Variants in KIRREL3 observed in about 807,000 individuals in gnomAD.
KIRREL3 encodes the protein kin of IRRE-like protein 3.
A neutral mutation model predicts 89.7 loss-of-function variants in KIRREL3; 36 were observed. That is an observed-to-expected ratio of 0.40 (90% CI 0.31 to 0.53). The LOEUF (loss-of-function observed/expected upper bound fraction) is 0.53. Ranked by LOEUF, KIRREL3 falls within the 20% of genes least tolerant of loss-of-function variation. KIRREL3 has a pLI of 0.49. For missense variants in KIRREL3, 864 were observed against 1,056.6 expected, an observed-to-expected ratio of 0.82 and a Z score of 2.53; for synonymous variants, 445 against 441.4, an observed-to-expected ratio of 1.01 and a Z score of -0.10.
Position 126,438,379 on chromosome 11 carries a change from G to A in KIRREL3, c.1354-1370C>T, listed in dbSNP as rs139285184. On this transcript the variant is annotated intron_variant, in intron 11 of 16. Transcript: ENST00000525144. ...ATATCCTGGTTCGGGGCTGATGAGA[G>A]GGACTGAGTTTCTCAAGCTTGCTGC... 2.0e-4 allele frequency among the ~76,000 whole-genome samples: 31 copies of A among 152,370 alleles called. No individual in the cohort carries two copies. The East Asian group carries it at 5.6e-3, about 27-fold the overall frequency.
intron 11 of KIRREL3, 73 bp downstream of exon 11, chr11:126,440,376 C>A: frequency 7.4e-7 from 1 of 1,359,944 alleles, no homozygotes. Context: ...GCCTGGCTGG[C>A]CACCCAGGTA....
rs925173377 is a variant in KIRREL3, at chr11:126,697,078, G to C, written c.56-134166C>G. Among the ~76,000 whole-genome samples the C allele has an allele frequency of 1.3e-5, 2 of 152,116 alleles. No homozygotes were observed. The highest frequency in any genetic ancestry group is 2.9e-5 in the Non-Finnish European group (2 of 68,014). ...TTTCGCTCAGGGTGCTCTGCCCTGC[G>C]ACTCAGCCTCCTTCGGGCTGCGGCT... On this transcript the variant is annotated intron_variant, in intron 1 of 16. Coordinates refer to ENST00000525144, the MANE Select transcript of KIRREL3 (RefSeq NM_032531.4). The surrounding 1 kb of genome is among the most constrained non-coding windows in gnomAD (Gnocchi z 4.2).
chr11:126,835,126 C>G (rs1485607834), intron 1 of KIRREL3, among the ~76,000 whole-genome samples: 5 of 152,172 alleles, frequency 3.3e-5, no homozygotes, highest in Non-Finnish European at 5.9e-5. Flanking sequence ...CTCCTGAAGA[C>G]TTATATTTAA....
Position 126,473,432 on chromosome 11 carries a change from A to G in KIRREL3, c.468T>C (p.Pro156=). 7.6e-6 allele frequency: 12 copies of G among 1,573,308 alleles called. No individual in the cohort carries two copies. The highest frequency in any genetic ancestry group is 1.0e-5 in the Non-Finnish European group (12 of 1,151,944). The change falls in exon 5 of 17, where the codon CCT becomes CCC. Residue 156 remains proline, a synonymous_variant. Coordinates refer to ENST00000525144, the MANE Select transcript of KIRREL3 (RefSeq NM_032531.4). ...PPDDPVILGG[P]VISLRAGDPL... ...GGTCCCCCGCACGCAGGCTGATCAC[A>G]GGGCCCCCCAGGATGACGGGGTCAT... is the stretch of plus-strand genomic sequence containing the variant.
In KIRREL3 at chr11:126,574,806, C is replaced by T. The variant is rs1941166732; in HGVS notation, c.56-11894G>A. Among the ~76,000 whole-genome samples the T allele has an allele frequency of 6.6e-6, 1 of 152,184 alleles. No homozygotes were observed. The highest frequency in any genetic ancestry group is 2.4e-5 in the African/African-American group (1 of 41,422). On this transcript the variant is annotated intron_variant, in intron 1 of 16. Coordinates refer to ENST00000525144, the MANE Select transcript of KIRREL3 (RefSeq NM_032531.4). The surrounding 1 kb of genome is among the most constrained non-coding windows in gnomAD (Gnocchi z 5.3). ...TCCACCCTTGCCTACCTACTCCTGC[C>T]AACCCATTCATTTGTTTATTGATGA... is the stretch of plus-strand genomic sequence containing the variant.
chr11:126,930,341 A>G (rs1281459487), intron 1 of KIRREL3, among the ~76,000 whole-genome samples: 1 of 151,954 alleles, frequency 6.6e-6, no homozygotes, highest in Non-Finnish European at 1.5e-5. Context: ...CCTCTCTCCC[A>G]CCATTCTTTG....
At position 126,997,359 on chromosome 11, in the gene KIRREL3, C is replaced by T. The variant is rs541717726; in HGVS notation, c.55+3096G>A. On this transcript the variant is annotated intron_variant, in intron 1 of 16. Transcript: ENST00000525144. This position sits in a 1 kb window ranked among gnomAD's most constrained non-coding sequence, Gnocchi z 4.3. ...CCGTCCTGACAGCTGAGGGAAGAGGCATCCACGGCAAGGGAGAAGCCCACA... is the reference window on the plus strand; with the variant it reads ...CCGTCCTGACAGCTGAGGGAAGAGGTATCCACGGCAAGGGAGAAGCCCACA... Among the ~76,000 whole-genome samples the T allele has an allele frequency of 2.6e-5, 4 of 152,268 alleles. No homozygotes were observed. The highest frequency in any genetic ancestry group is 9.6e-5 in the African/African-American group (4 of 41,558).
chr11:126,957,246 T>C (rs1340339984), intron 1 of KIRREL3, among the ~76,000 whole-genome samples: 2 of 152,178 alleles, frequency 1.3e-5, no homozygotes, highest in Admixed American at 6.5e-5. Context: ...TGCTCCCTTA[T>C]AATCAGCCAT....
chr11:126,613,511 ACGTGCTTTC>A (rs1943216616), intron 1 of KIRREL3, among the ~76,000 whole-genome samples: 1 of 152,132 alleles, frequency 6.6e-6, no homozygotes, highest in Non-Finnish European at 1.5e-5. Flanking sequence ...CTGCTTGGAC[ACGTGCTTTC>A]CCCTGCTCAT....
chr11:126,795,872 C>G lies in KIRREL3; in HGVS notation c.55+204583G>C, dbSNP rs1045835096. ...GGGCATGTAGATACCCCATGCCAGGCCAGCCTCCGTACTGCCAGGCTCGTC... is the reference window on the plus strand; with the variant it reads ...GGGCATGTAGATACCCCATGCCAGGGCAGCCTCCGTACTGCCAGGCTCGTC... On this transcript the variant is annotated intron_variant, in intron 1 of 16. Coordinates refer to ENST00000525144, the MANE Select transcript of KIRREL3 (RefSeq NM_032531.4). This position sits in a 1 kb window ranked among gnomAD's most constrained non-coding sequence, Gnocchi z 4.1. Among the ~76,000 whole-genome samples, 2 of 152,158 alleles carry G rather than the reference C, an allele frequency of 1.3e-5. No individual in the cohort carries two copies. Among genetic ancestry groups the G allele is most frequent in the Non-Finnish European group, 2.9e-5 (2 of 68,034 alleles).
rs1944473505 is a variant in KIRREL3 at position 126,641,553 on chromosome 11, C to G, written c.56-78641G>C. 6.6e-6 allele frequency among the ~76,000 whole-genome samples: 1 copy of G among 152,020 alleles called. No homozygotes were observed. The highest frequency in any genetic ancestry group is 1.5e-5 in the Non-Finnish European group (1 of 68,000). On this transcript the variant is annotated intron_variant, in intron 1 of 16. Coordinates refer to ENST00000525144, the MANE Select transcript of KIRREL3 (RefSeq NM_032531.4). The surrounding 1 kb of genome is among the most constrained non-coding windows in gnomAD (Gnocchi z 5.0). ...GACTGTGAGCAAATAACATTCTGGC[C>G]AGTGGGATATGTCTCACCAATCCAT...
intron 7 of KIRREL3, among the ~76,000 whole-genome samples, chr11:126,450,254 AGTGTGCCTGT>A (rs1955987394): frequency 6.8e-6 from 1 of 147,170 alleles, no homozygotes; most frequent in Non-Finnish European, 1.5e-5. Flanking sequence ...TGCATGTGTG[AGTGTGCCTGT>A]GTGTGCATGT....
chr11:126,481,334 C>T (rs963568213), intron 4 of KIRREL3, among the ~76,000 whole-genome samples: 1 of 152,192 alleles, frequency 6.6e-6, no homozygotes. Context: ...GGCCATATCT[C>T]ATTTGACACA....
chr11:126,596,048 A>G (rs1942378653), intron 1 of KIRREL3, among the ~76,000 whole-genome samples: 1 of 152,198 alleles, frequency 6.6e-6, no homozygotes, highest in South Asian at 2.1e-4. Flanking sequence ...GGAAGGCAGG[A>G]AAGTCTCCCA....
chr11:126,599,042 C>T (rs2134739247), intron 1 of KIRREL3, among the ~76,000 whole-genome samples: 1 of 152,312 alleles, frequency 6.6e-6, no homozygotes, highest in African/African-American at 2.4e-5. Flanking sequence ...CTTGTGGGCT[C>T]CCATTTTCTA....
intron 1 of KIRREL3, among the ~76,000 whole-genome samples, chr11:126,794,672 G>A (rs541666940): frequency 7.2e-5 from 11 of 152,338 alleles, no homozygotes; most frequent in Admixed American, 3.3e-4. Context: ...GTACGGCCAC[G>A]TGGAAGACAC....
intron 1 of KIRREL3, among the ~76,000 whole-genome samples, chr11:126,958,405 C>T (rs1389054717): frequency 6.6e-6 from 1 of 152,208 alleles, no homozygotes; most frequent in Non-Finnish European, 1.5e-5. Flanking sequence ...CCAGGGGGGC[C>T]CTTTCTCATC....
At chr11:126,665,362 C>T (rs531629753) in intron 1 of KIRREL3, among the ~76,000 whole-genome samples, 1 of 152,242 alleles carries the variant, frequency 6.6e-6, no homozygotes, top group Admixed American at 6.5e-5. Flanking sequence ...GGCTCTTTGC[C>T]AGGTGTGTGT....
At position 126,525,146 on chromosome 11, in the gene KIRREL3, C is replaced by A. The variant is rs1958709816; in HGVS notation, c.283+1392G>T. Among the ~76,000 whole-genome samples the A allele has an allele frequency of 6.6e-6, 1 of 152,106 alleles. No individual in the cohort carries two copies. Among genetic ancestry groups the A allele is most frequent in the Admixed American group, 6.6e-5 (1 of 15,260 alleles). ...TGAGATGACCACCGTATGCACTATC[C>A]CTGCTGACCTGAGCCTCCTTTTGGC... On this transcript the variant is annotated intron_variant, in intron 3 of 16. Transcript: ENST00000525144. The surrounding 1 kb of genome is among the most constrained non-coding windows in gnomAD (Gnocchi z 5.4).
Sources: gnomAD v4.1 joint callset for allele counts (sites outside exome capture counted in the v4.1 genomes callset) on GRCh38, gnomAD v4.1.1 for gene constraint, Gnocchi (gnomAD v3.1) non-coding constraint, MANE v1.5 for transcripts, NCBI Gene and HGNC (gene_info 2026-07-23, HGNC 2026-07-21) for gene names.